Variants in KLHL1 observed in about 807,000 individuals in gnomAD.
KLHL1 encodes the protein kelch like family member 1, also known as kelch-like protein 1.
A neutral mutation model predicts 77.7 loss-of-function variants in KLHL1; 47 were observed. The ratio of observed to expected loss-of-function variants is 0.60; its 90% CI spans 0.48 to 0.77. The LOEUF is 0.77. Among genes scored for constraint, KLHL1 ranks in the 30% least tolerant of loss-of-function variants. The pLI, the probability that KLHL1 is intolerant of heterozygous loss-of-function variation, is 0.00. For missense variants in KLHL1, 925 were observed against 910.8 expected, an observed-to-expected ratio of 1.02 and a Z score of -0.20; for synonymous variants, 360 against 325.2, an observed-to-expected ratio of 1.11 and a Z score of -1.15.
intron 7 of KLHL1, among the ~76,000 whole-genome samples, chr13:69,744,455 T>C (rs1397167743): frequency 6.6e-6 from 1 of 151,566 alleles, no homozygotes; most frequent in Non-Finnish European, 1.5e-5. Context: ...GCTGAGAGGT[T>C]ACATGACTTT....
At chr13:70,094,029 C>G (rs1197180333) in intron 1 of KLHL1, among the ~76,000 whole-genome samples, 2 of 151,808 alleles carry the variant, frequency 1.3e-5, no homozygotes, top group Admixed American at 6.6e-5. Flanking sequence ...TTAATTTAAC[C>G]AATCATGAAA....
chr13:69,995,244 T>G (rs1425161814), intron 1 of KLHL1, among the ~76,000 whole-genome samples: 1 of 152,102 alleles, frequency 6.6e-6, no homozygotes, highest in Admixed American at 6.6e-5. Context: ...CAGAAAAAGT[T>G]TGGTGGTTCC....
chr13:69,780,733 C>CATATATATATATATATATATATAT (rs1217018845), intron 7 of KLHL1, among the ~76,000 whole-genome samples: 1 of 42,080 alleles, frequency 2.4e-5, no homozygotes. Flanking sequence ...TATATATATA[C>CATATATATATATATATATATATAT]ATATATATAT....
At chr13:69,862,509 C>A (rs899053087) in intron 5 of KLHL1, among the ~76,000 whole-genome samples, 1 of 152,070 alleles carries the variant, frequency 6.6e-6, no homozygotes, top group African/African-American at 2.4e-5. Context: ...TTCTTTATTA[C>A]CACTGGATCA....
intron 5 of KLHL1, among the ~76,000 whole-genome samples, chr13:69,847,114 C>T (rs927943842): frequency 1.4e-4 from 21 of 151,290 alleles, no homozygotes; most frequent in Non-Finnish European, 2.4e-4. Flanking sequence ...ATAGATGCTG[C>T]TTGATATTGT....
intron 7 of KLHL1, among the ~76,000 whole-genome samples, chr13:69,781,378 A>G (rs1038610185): frequency 4.7e-5 from 7 of 148,690 alleles, no homozygotes; most frequent in Non-Finnish European, 8.9e-5. Context: ...CCCACAATGC[A>G]TGAAAATGTC....
intron 1 of KLHL1, among the ~76,000 whole-genome samples, chr13:70,054,386 T>C (rs935673688): frequency 6.6e-6 from 1 of 152,124 alleles, no homozygotes; most frequent in Admixed American, 6.6e-5. Flanking sequence ...AGAGGTTTTT[T>C]ATGTCTGTGA....
intron 7 of KLHL1, among the ~76,000 whole-genome samples, chr13:69,761,530 A>G (rs754501596): frequency 3.9e-5 from 6 of 152,194 alleles, no homozygotes; most frequent in Admixed American, 2.6e-4. Context: ...TTCATTTAAC[A>G]GTATATATAA....
At chr13:69,843,181 A>G (rs1264249771) in intron 5 of KLHL1, among the ~76,000 whole-genome samples, 1 of 151,762 alleles carries the variant, frequency 6.6e-6, no homozygotes, top group Non-Finnish European at 1.5e-5. Context: ...GGTGACAGAC[A>G]CGCCAAATAC....
intron 1 of KLHL1, among the ~76,000 whole-genome samples, chr13:70,063,942 G>T (rs994536287): frequency 6.6e-6 from 1 of 151,934 alleles, no homozygotes; most frequent in African/African-American, 2.4e-5. Context: ...TTTAAACTCT[G>T]CAGGGCTAAT....
intron 8 of KLHL1, among the ~76,000 whole-genome samples, chr13:69,736,619 G>T (rs1197440234): frequency 6.6e-6 from 1 of 151,626 alleles, no homozygotes; most frequent in Non-Finnish European, 1.5e-5. Context: ...ATTTGCAATT[G>T]CAAAAATATG....
chr13:69,877,048 G>GATATAAAC (rs1880797738), intron 5 of KLHL1, among the ~76,000 whole-genome samples: 1 of 151,066 alleles, frequency 6.6e-6, no homozygotes, highest in Admixed American at 6.6e-5. Context: ...AAAAAAAAAA[G>GATATAAAC]ATATAAACAC....
intron 2 of KLHL1, among the ~76,000 whole-genome samples, chr13:69,971,422 C>A (rs1406811627): frequency 6.6e-6 from 1 of 151,948 alleles, no homozygotes; most frequent in Non-Finnish European, 1.5e-5. Context: ...CTCCTGAGGT[C>A]TATCATAATC....
intron 4 of KLHL1, among the ~76,000 whole-genome samples, chr13:69,899,730 G>C (rs1299291763): frequency 6.6e-5 from 10 of 152,130 alleles, no homozygotes; most frequent in Admixed American, 6.5e-4. Flanking sequence ...AGAAAGATCA[G>C]TGGGAAGGAG....
intron 7 of KLHL1, among the ~76,000 whole-genome samples, chr13:69,745,533 G>T (rs1231249008): frequency 6.6e-6 from 1 of 151,656 alleles, no homozygotes; most frequent in Non-Finnish European, 1.5e-5. Flanking sequence ...TGCAGTAGCA[G>T]AAAAAATATT....
intron 4 of KLHL1, among the ~76,000 whole-genome samples, chr13:69,899,351 A>G (rs1224382885): frequency 6.6e-6 from 1 of 152,162 alleles, no homozygotes; most frequent in Non-Finnish European, 1.5e-5. Context: ...CTGGGAAAAG[A>G]AAGAAGCTAC....
At chr13:69,919,986 T>A (rs1332652968) in intron 4 of KLHL1, among the ~76,000 whole-genome samples, 1 of 152,142 alleles carries the variant, frequency 6.6e-6, no homozygotes, top group Non-Finnish European at 1.5e-5. Context: ...CTTGCTTGTA[T>A]CATGATGTAA....
intron 6 of KLHL1, among the ~76,000 whole-genome samples, chr13:69,837,504 T>C (rs1593874687): frequency 6.6e-6 from 1 of 150,880 alleles, no homozygotes; most frequent in East Asian, 1.9e-4. Flanking sequence ...GGTACCTAGC[T>C]ATATAATGTC....
chr13:69,983,093 C>A (rs1341066608), intron 1 of KLHL1, among the ~76,000 whole-genome samples: 1 of 152,036 alleles, frequency 6.6e-6, no homozygotes, highest in Non-Finnish European at 1.5e-5. Context: ...ATCAATAAAG[C>A]AATCCCATTT....
Sources: allele counts gnomAD v4.1 joint callset (sites outside exome capture counted in the v4.1 genomes callset), GRCh38; gene constraint gnomAD v4.1.1; transcripts MANE v1.5; gene names NCBI Gene and HGNC (gene_info 2026-07-23, HGNC 2026-07-21).